TAFA5: variants seen among roughly 807,000 people sequenced by gnomAD.
TAFA5 encodes chemokine-like protein TAFA-5.
In TAFA5, 6 loss-of-function variants were observed where a neutral mutation model predicts 15.3. That is an observed-to-expected ratio of 0.39 (90% CI 0.21 to 0.77). The LOEUF is 0.77. TAFA5 is among the 30% of genes least tolerant of loss of function. The pLI is 0.41. For synonymous variants in TAFA5, 103 were observed against 80.7 expected (o/e 1.28, Z -1.48); for missense variants, 161 against 193.1 (o/e 0.83, Z 0.98).
At chr22:48,594,110 C>T (rs990354469) in intron 1 of TAFA5, among the ~76,000 whole-genome samples, 69 of 152,192 alleles carry the variant, frequency 4.5e-4, no homozygotes, top group Non-Finnish European at 1.5e-5. Flanking sequence ...GCTCCTGTGC[C>T]CACAGAGTGG....
chr22:48,489,597 C>A lies in TAFA5; in HGVS notation c.5C>A (p.Ala2Glu). 1 of 1,469,534 alleles carries A rather than the reference C, an allele frequency of 6.8e-7. No homozygotes were observed. The highest frequency in any genetic ancestry group is 9.1e-7 in the Non-Finnish European group (1 of 1,104,184). 91.0% of individuals were successfully genotyped at this position (1,469,534 alleles called of 1,614,324 possible). ...CGCGCGGGCGCCGCGGCTTCAATGG[C>A]GCCATCGCCCAGGACCGGCAGCCGG... The part of the protein sequence containing the change: M[A>E]PSPRTGSRQD... Residue 2 changes from alanine to glutamate, a missense_variant, in exon 1 of 4, where the codon GCG becomes GAG. Transcript: ENST00000402357. The surrounding 1 kb of genome is among the most constrained non-coding windows in gnomAD (Gnocchi z 5.5).
intron 1 of TAFA5, chr22:48,544,364 A>G (rs976719097): frequency 1.2e-5 from 4 of 320,984 alleles, no homozygotes; most frequent in Non-Finnish European, 2.5e-5. Context: ...AGCCAATGCC[A>G]CTGGCTTGGG....
chr22:48,649,946 C>T (rs1926994629), intron 2 of TAFA5, among the ~76,000 whole-genome samples: 1 of 152,182 alleles, frequency 6.6e-6, no homozygotes, highest in Non-Finnish European at 1.5e-5. Context: ...CTCCTGGTGC[C>T]TCAGGAGCCG....
At chr22:48,644,447 G>A (rs571500282) in intron 1 of TAFA5, among the ~76,000 whole-genome samples, 1 of 152,356 alleles carries the variant, frequency 6.6e-6, no homozygotes, top group South Asian at 2.1e-4. Context: ...CCTGCACCAT[G>A]GGCAGAAGGA....
chr22:48,542,131 A>AT (rs1922407645), intron 1 of TAFA5, among the ~76,000 whole-genome samples: 1 of 69,790 alleles, frequency 1.4e-5, no homozygotes, highest in African/African-American at 6.4e-5. Flanking sequence ...GGTGTGTGTG[A>AT]TGTGTATGTG....
chr22:48,491,848 T>C (rs1289875883), intron 1 of TAFA5, among the ~76,000 whole-genome samples: 1 of 152,192 alleles, frequency 6.6e-6, no homozygotes, highest in Non-Finnish European at 1.5e-5. Context: ...CCCTCCTCCT[T>C]AGGAGGCCTC....
chr22:48,691,188 G>A (rs1334910489), intron 2 of TAFA5, among the ~76,000 whole-genome samples: 1 of 152,202 alleles, frequency 6.6e-6, no homozygotes, highest in Non-Finnish European at 1.5e-5. Context: ...GGCTTCCTAA[G>A]CTCAAGCTGG....
chr22:48,527,089 G>T (rs541806972), intron 1 of TAFA5, among the ~76,000 whole-genome samples: 9 of 152,340 alleles, frequency 5.9e-5, no homozygotes, highest in African/African-American at 1.7e-4. Context: ...GGGCTTCATT[G>T]TAACAGCCCC....
At chr22:48,548,670 A>G (rs1262594661) in intron 1 of TAFA5, among the ~76,000 whole-genome samples, 6 of 152,230 alleles carry the variant, frequency 3.9e-5, no homozygotes, top group African/African-American at 1.4e-4. Flanking sequence ...CCAGCCTCAG[A>G]ACCACATCAC....
intron 3 of TAFA5, among the ~76,000 whole-genome samples, chr22:48,720,838 C>T (rs1929547297): frequency 6.6e-6 from 1 of 152,210 alleles, no homozygotes; most frequent in African/African-American, 2.4e-5. Flanking sequence ...ACTCTGCTCA[C>T]AGTGCAGACC....
chr22:48,611,396 G>A (rs935129138), intron 1 of TAFA5, among the ~76,000 whole-genome samples: 3 of 152,160 alleles, frequency 2.0e-5, no homozygotes, highest in Admixed American at 1.3e-4. Context: ...CACTTATTCA[G>A]CATTCGTTAC....
At chr22:48,724,998 G>A (rs1442665966) in intron 3 of TAFA5, among the ~76,000 whole-genome samples, 1 of 152,246 alleles carries the variant, frequency 6.6e-6, no homozygotes, top group East Asian at 1.9e-4. Flanking sequence ...CAGGAACTGT[G>A]TTCTTCCGTT....
intron 2 of TAFA5, among the ~76,000 whole-genome samples, chr22:48,691,616 C>A (rs1928544283): frequency 6.6e-6 from 1 of 152,230 alleles, no homozygotes; most frequent in Non-Finnish European, 1.5e-5. Flanking sequence ...GCAGGCTCTT[C>A]TTCTGCCCCT....
In TAFA5 at chr22:48,736,930, T is replaced by TGC. The variant is rs374501718; in HGVS notation, c.391-12908_391-12907insCG. 3.9e-3 allele frequency among the ~76,000 whole-genome samples: 579 copies of TGC among 149,018 alleles called. 3 individuals are homozygous for TGC. The highest frequency in any genetic ancestry group is 0.014 in the African/African-American group (556 of 38,480). On this transcript the variant is annotated intron_variant, in intron 3 of 3. Transcript: ENST00000402357. ...GGTGATGGTCGCCCAACCTGGGAATTGATGCTTTAAGTGGCAAATTTTATT... is the reference window on the plus strand; with the variant it reads ...GGTGATGGTCGCCCAACCTGGGAATTGCGATGCTTTAAGTGGCAAATTTTATT...
At chr22:48,688,136 A>G (rs1477586468) in intron 2 of TAFA5, among the ~76,000 whole-genome samples, 2 of 150,856 alleles carry the variant, frequency 1.3e-5, no homozygotes, top group Non-Finnish European at 2.9e-5. Flanking sequence ...TAATTTGATG[A>G]CCCAGACTTG....
intron 2 of TAFA5, among the ~76,000 whole-genome samples, chr22:48,703,364 C>G (rs1928977046): frequency 6.6e-6 from 1 of 152,236 alleles, no homozygotes; most frequent in African/African-American, 2.4e-5. Context: ...ACCCTGAGCA[C>G]CACCGTGCAT....
intron 1 of TAFA5, among the ~76,000 whole-genome samples, chr22:48,635,759 A>AT (rs1290988641): frequency 3.9e-5 from 6 of 152,082 alleles, no homozygotes; most frequent in Admixed American, 2.0e-4. Flanking sequence ...GGCGTTTTTG[A>AT]TTCAGTGTCC....
intron 2 of TAFA5, among the ~76,000 whole-genome samples, chr22:48,671,532 G>A (rs915270321): frequency 2.0e-5 from 3 of 152,184 alleles, no homozygotes; most frequent in Non-Finnish European, 2.9e-5. Flanking sequence ...CAGAGTGGTG[G>A]TTCCTTCAGA....
intron 2 of TAFA5, among the ~76,000 whole-genome samples, chr22:48,704,830 G>A (rs145592273): frequency 6.6e-5 from 10 of 152,082 alleles, no homozygotes; most frequent in South Asian, 4.2e-4. Flanking sequence ...AACAACACAC[G>A]TTTATTTTCT....
Sources: gnomAD v4.1 joint callset for allele counts (sites outside exome capture counted in the v4.1 genomes callset) on GRCh38, gnomAD v4.1.1 for gene constraint, Gnocchi (gnomAD v3.1) non-coding constraint, MANE v1.5 for transcripts, NCBI Gene and HGNC (gene_info 2026-07-23, HGNC 2026-07-21) for gene names.